GRIN2A: variants seen among roughly 807,000 people sequenced by gnomAD.
The protein encoded by GRIN2A is glutamate receptor ionotropic, NMDA 2A.
GRIN2A carries 22 observed loss-of-function variants against 113.4 expected under a neutral mutation model. That is an observed-to-expected ratio of 0.19 (90% CI 0.14 to 0.28). The LOEUF (loss-of-function observed/expected upper bound fraction) is 0.28. Among genes scored for constraint, GRIN2A ranks in the 10% least tolerant of loss-of-function variants. The pLI, the probability that GRIN2A is intolerant of heterozygous loss-of-function variation, is 1.00. For synonymous variants in GRIN2A, 827 were observed against 738.4 expected (o/e 1.12, Z -1.94); for missense variants, 1,502 against 1,887.0 (o/e 0.80, Z 3.78).
intron 2 of GRIN2A, among the ~76,000 whole-genome samples, chr16:10,058,097 A>C (rs911727219): frequency 9.9e-5 from 15 of 152,172 alleles, no homozygotes; most frequent in Admixed American, 9.8e-4. Flanking sequence ...TCTACTAAAA[A>C]TACAAAAATC....
chr16:10,168,975 CAATAATAATAATAATAATAATAAT>C (rs59963663), intron 2 of GRIN2A, among the ~76,000 whole-genome samples: 44 of 141,542 alleles, frequency 3.1e-4, no homozygotes, highest in African/African-American at 1.2e-3. Flanking sequence ...CAAATAATAA[CAATAATAATAATAATAATAATAAT>C]AATAATAATA....
intron 10 of GRIN2A, among the ~76,000 whole-genome samples, chr16:9,813,685 ACCCCACCC>A (rs1321640727): frequency 1.4e-5 from 2 of 147,844 alleles, no homozygotes; most frequent in Admixed American, 6.8e-5. Flanking sequence ...AATTCCAAGA[ACCCCACCC>A]CCCCGCAAAA....
chr16:9,920,019 C>T lies in GRIN2A; in HGVS notation c.1007+17940G>A, dbSNP rs533858050. Among the ~76,000 whole-genome samples, 12 of 152,364 alleles carry T rather than the reference C, an allele frequency of 7.9e-5. No homozygotes were observed. The South Asian group carries it at 2.3e-3, about 29-fold the overall frequency. The stretch of plus-strand genomic sequence containing the variant: ...CATCCCTTTACTCTCTGCTCCGTTT[C>T]TCTTCCCATCCCATATCAATAGCAA... On this transcript the variant is annotated intron_variant, in intron 3 of 12. Transcript: ENST00000330684.
intron 2 of GRIN2A, among the ~76,000 whole-genome samples, chr16:9,956,472 G>A (rs117180745): frequency 6.6e-6 from 1 of 152,100 alleles, no homozygotes; most frequent in Non-Finnish European, 1.5e-5. Flanking sequence ...CCAACTTCTA[G>A]AACTGCACAG....
intron 4 of GRIN2A, among the ~76,000 whole-genome samples, chr16:9,886,799 A>G (rs1390277193): frequency 6.6e-6 from 1 of 152,200 alleles, no homozygotes; most frequent in Non-Finnish European, 1.5e-5. Context: ...TGTTATTATA[A>G]TTGGTATTCA....
intron 2 of GRIN2A, among the ~76,000 whole-genome samples, chr16:10,028,815 G>C (rs947155712): frequency 1.3e-5 from 2 of 152,196 alleles, no homozygotes; most frequent in African/African-American, 4.8e-5. Context: ...AGCTTCCTTA[G>C]ATGATCTGTA....
At chr16:9,884,331 C>T (rs1455972115) in intron 4 of GRIN2A, among the ~76,000 whole-genome samples, 1 of 152,104 alleles carries the variant, frequency 6.6e-6, no homozygotes, top group African/African-American at 2.4e-5. Flanking sequence ...GGTGGATCAC[C>T]TGAGGTCAGG....
At chr16:9,856,988 A>T (rs1050057460) in intron 4 of GRIN2A, among the ~76,000 whole-genome samples, 5 of 152,230 alleles carry the variant, frequency 3.3e-5, no homozygotes, top group African/African-American at 1.2e-4. Context: ...CTAATAGTAC[A>T]TATCCTTAAT....
At chr16:10,044,007 G>GTGTGTATA (rs1555469968) in intron 2 of GRIN2A, among the ~76,000 whole-genome samples, 11 of 116,940 alleles carry the variant, frequency 9.4e-5, no homozygotes, top group African/African-American at 2.3e-4. Flanking sequence ...GTGTGTGTGT[G>GTGTGTATA]TATATATATA....
At chr16:9,880,187 G>C (rs1379928524) in intron 4 of GRIN2A, among the ~76,000 whole-genome samples, 5 of 152,102 alleles carry the variant, frequency 3.3e-5, no homozygotes, top group Non-Finnish European at 7.3e-5. Context: ...AGCTCACTCA[G>C]ATTGTTGGGC....
intron 2 of GRIN2A, among the ~76,000 whole-genome samples, chr16:10,039,702 C>T (rs953885661): frequency 6.7e-6 from 1 of 149,998 alleles, no homozygotes; most frequent in African/African-American, 2.5e-5. Flanking sequence ...TTTCGAAGGA[C>T]CAGGTGCTGG....
At chr16:9,786,882 C>G (rs1189116052) in intron 11 of GRIN2A, among the ~76,000 whole-genome samples, 2 of 152,180 alleles carry the variant, frequency 1.3e-5, no homozygotes, top group African/African-American at 2.4e-5. Flanking sequence ...AAGGACCAAA[C>G]TCCGACCATT....
intron 2 of GRIN2A, among the ~76,000 whole-genome samples, chr16:10,174,995 C>A (rs2142370130): frequency 6.6e-6 from 1 of 152,288 alleles, no homozygotes; most frequent in East Asian, 1.9e-4. Flanking sequence ...TTTTGCTGTA[C>A]CTTTTCTGTG....
At chr16:9,806,823 G>A (rs2041978297) in intron 10 of GRIN2A, among the ~76,000 whole-genome samples, 1 of 151,974 alleles carries the variant, frequency 6.6e-6, no homozygotes, top group African/African-American at 2.4e-5. Context: ...GGGAAGGAGT[G>A]AGGACAGTGA....
chr16:9,941,624 G>T (rs906494841), intron 2 of GRIN2A, among the ~76,000 whole-genome samples: 2 of 152,150 alleles, frequency 1.3e-5, no homozygotes, highest in African/African-American at 4.8e-5. Context: ...TAGAACCTCT[G>T]GGGTTGGACT....
At chr16:9,808,179 A>G (rs1222171478) in intron 10 of GRIN2A, among the ~76,000 whole-genome samples, 3 of 152,202 alleles carry the variant, frequency 2.0e-5, no homozygotes, top group African/African-American at 4.8e-5. Flanking sequence ...AACATTTACT[A>G]TGTGCTGGAC....
intron 2 of GRIN2A, among the ~76,000 whole-genome samples, chr16:10,071,373 T>G (rs570803037): frequency 6.6e-6 from 1 of 152,068 alleles, no homozygotes; most frequent in South Asian, 2.1e-4. Flanking sequence ...CCACAAAGAG[T>G]CTGTACTCTT....
rs2050249072 is a variant in GRIN2A at position 10,180,582 on chromosome 16, G to GCCAT, written c.-18-157_-18-154dup. ...ACGGACTCCATTCCGAGTCCCCGACGCCATCCACATCCCTCGATCCATCTC... is the reference window on the plus strand; with the variant it reads ...ACGGACTCCATTCCGAGTCCCCGACGCCATCCATCCACATCCCTCGATCCATCTC... On this transcript the variant is annotated intron_variant, in intron 1 of 12. Coordinates refer to ENST00000330684, the MANE Select transcript of GRIN2A (RefSeq NM_001134407.3). The surrounding 1 kb of genome is among the most constrained non-coding windows in gnomAD (Gnocchi z 7.0). 1 of 863,856 alleles carries GCCAT rather than the reference G, an allele frequency of 1.2e-6. No homozygotes were observed. Among genetic ancestry groups the GCCAT allele is most frequent in the African/African-American group, 1.8e-5 (1 of 54,932 alleles). 53.5% of individuals were successfully genotyped at this position (863,856 alleles called of 1,614,324 possible).
intron 11 of GRIN2A, among the ~76,000 whole-genome samples, chr16:9,785,353 A>G (rs1902173802): frequency 6.7e-6 from 1 of 148,654 alleles, no homozygotes; most frequent in Non-Finnish European, 1.5e-5. Context: ...AAAACCAAAC[A>G]CCACATGTTC....
Sources: gnomAD v4.1 joint callset for allele counts (sites outside exome capture counted in the v4.1 genomes callset) on GRCh38, gnomAD v4.1.1 for gene constraint, Gnocchi (gnomAD v3.1) non-coding constraint, MANE v1.5 for transcripts, NCBI Gene and HGNC (gene_info 2026-07-23, HGNC 2026-07-21) for gene names.